VPS13C: variants seen among roughly 807,000 people sequenced by gnomAD.
VPS13C encodes intermembrane lipid transfer protein VPS13C.
VPS13C carries 358 observed loss-of-function variants against 456.8 expected under a neutral mutation model. The ratio of observed to expected loss-of-function variants is 0.78; its 90% CI spans 0.72 to 0.86. The LOEUF is 0.86. VPS13C is among the 40% of genes least tolerant of loss of function. The pLI is 0.00. For missense variants in VPS13C, 4,818 were observed against 4,385.4 expected (o/e 1.10, Z -2.79); for synonymous variants, 1,578 against 1,486.7 (o/e 1.06, Z -1.41).
chr15:61,934,973 G>A (rs1303038653), intron 48 of VPS13C, among the ~76,000 whole-genome samples: 2 of 152,094 alleles, frequency 1.3e-5, no homozygotes, highest in Admixed American at 6.5e-5. Context: ...GGCAGGTCTC[G>A]ATCTCCTGAC....
intron 2 of VPS13C, among the ~76,000 whole-genome samples, 182 bp from the exon 3 acceptor site, chr15:62,041,548 T>G (rs1168026834): frequency 6.6e-6 from 1 of 152,206 alleles, no homozygotes; most frequent in Non-Finnish European, 1.5e-5. Flanking sequence ...CCTGGTGCAG[T>G]GGCTCACACC....
chr15:61,864,693 C>A, intron 81 of VPS13C: 3 of 985,478 alleles, frequency 3.0e-6, no homozygotes, highest in Non-Finnish European at 3.6e-6. Flanking sequence ...GAGGAATCCA[C>A]AAAGAACTGG....
At chr15:61,913,857 C>A (rs775500375) in intron 61 of VPS13C, among the ~76,000 whole-genome samples, 5 of 152,140 alleles carry the variant, frequency 3.3e-5, no homozygotes, top group Non-Finnish European at 5.9e-5. Flanking sequence ...TGGAAGACAG[C>A]AGGACACAGT....
In VPS13C at chr15:61,915,985, G is replaced by C; in HGVS notation, c.8093C>G (p.Thr2698Ser). ...GATTCTCGAATGCAGAACATCAGCA[G>C]TACTGCCTTCTGCCAGCTCATGAGT... ...AETHELAEGS[T>S]ADVLHSRISG... Residue 2698 changes from threonine to serine, a missense_variant, in exon 61 of 85, where the codon ACT (threonine) becomes AGT (serine). Around this residue, in one of 3 missense-constraint regions of VPS13C, gnomAD observed 4,552 missense variants for 4,130.6 expected, o/e 1.10. Coordinates refer to ENST00000644861, the MANE Select transcript of VPS13C (RefSeq NM_020821.3). 1 of 1,603,638 alleles carries C rather than the reference G, an allele frequency of 6.2e-7. No individual in the cohort carries two copies. The highest frequency in any genetic ancestry group is 8.5e-7 in the Non-Finnish European group (1 of 1,171,990).
intron 10 of VPS13C, 143 bp downstream of exon 10, chr15:62,013,790 C>T (rs1567110354): frequency 3.6e-6 from 2 of 559,014 alleles, no homozygotes; most frequent in Non-Finnish European, 6.4e-6. Context: ...CAGAGGGTCA[C>T]ATAGTAAGTA....
intron 1 of VPS13C, among the ~76,000 whole-genome samples, chr15:62,053,220 C>A (rs1285293867): frequency 1.3e-5 from 2 of 152,130 alleles, no homozygotes; most frequent in Non-Finnish European, 2.9e-5. Flanking sequence ...CAAGTGCTGG[C>A]TGGGAGGAAA....
chr15:62,010,757 T>C (rs1480407308), intron 12 of VPS13C, among the ~76,000 whole-genome samples, 158 bp from the exon 13 acceptor site: 1 of 152,216 alleles, frequency 6.6e-6, no homozygotes, highest in African/African-American at 2.4e-5. Flanking sequence ...CAATTTAAGC[T>C]TCTACTTATA....
Position 61,962,776 on chromosome 15 carries a change from A to T in VPS13C, c.3408T>A (p.Asp1136Glu). 1 of 1,606,924 alleles carries T rather than the reference A, an allele frequency of 6.2e-7. No individual in the cohort carries two copies. The highest frequency in any genetic ancestry group is 1.3e-5 in the African/African-American group (1 of 74,914). ...TCTTATGAACTGTCTTTGGATCAAC[A>T]TCTGTGACAATAATATTTTCTAGTC... ...FARLENIIVT[D>E]VDPKTVHKKA... Residue 1136 changes from aspartate to glutamate, a missense_variant, in exon 33 of 85, where the codon GAT becomes GAA. By Grantham distance (45) the Asp-to-Glu change is conservative. This residue lies in a region of VPS13C where 4,552 missense variants were observed against 4,130.6 expected (regional missense o/e 1.10). Transcript: ENST00000644861.
chr15:61,876,646 T>C (rs906015109), intron 75 of VPS13C, among the ~76,000 whole-genome samples: 1 of 151,912 alleles, frequency 6.6e-6, no homozygotes, highest in African/African-American at 2.4e-5. Flanking sequence ...CGGCTTAGAA[T>C]TCTGCTTGCA....
intron 67 of VPS13C, among the ~76,000 whole-genome samples, chr15:61,887,185 A>G (rs1896332596): frequency 6.6e-6 from 1 of 152,258 alleles, no homozygotes; most frequent in Non-Finnish European, 1.5e-5. Flanking sequence ...ATAAGCAATT[A>G]TAACAAGATT....
intron 42 of VPS13C, among the ~76,000 whole-genome samples, chr15:61,948,855 A>G (rs62007764): frequency 0.058 from 8,847 of 152,288 alleles, 315 homozygotes; most frequent in Non-Finnish European, 0.081. Context: ...AATTAAAATG[A>G]TATTTGGCTT....
intron 35 of VPS13C, among the ~76,000 whole-genome samples, chr15:61,960,526 G>A (rs1410360891): frequency 2.0e-5 from 3 of 152,114 alleles, no homozygotes; most frequent in Non-Finnish European, 4.4e-5. Context: ...TTATATCATA[G>A]TTAATATAAG....
chr15:61,907,687 G>C (rs1426741838), intron 65 of VPS13C, among the ~76,000 whole-genome samples: 1 of 152,330 alleles, frequency 6.6e-6, no homozygotes, highest in Non-Finnish European at 1.5e-5. Flanking sequence ...TCCACCTGTG[G>C]AAATGGCTGT....
chr15:62,022,128 C>G (rs577887087), intron 8 of VPS13C, among the ~76,000 whole-genome samples: 2 of 152,002 alleles, frequency 1.3e-5, no homozygotes, highest in African/African-American at 4.8e-5. Context: ...ATACTGACTT[C>G]AATTCCTTTG....
chr15:62,033,714 T>C (rs1297841131), intron 4 of VPS13C, among the ~76,000 whole-genome samples, 172 bp from the exon 5 acceptor site: 1 of 151,646 alleles, frequency 6.6e-6, no homozygotes, highest in East Asian at 1.9e-4. Context: ...CCTATTCACT[T>C]ACAAAAAACT....
chr15:62,037,471 AATTT>A (rs1267581731), intron 3 of VPS13C, among the ~76,000 whole-genome samples: 1 of 111,320 alleles, frequency 9.0e-6, no homozygotes, highest in Non-Finnish European at 1.7e-5. Flanking sequence ...TAATATAATA[AATTT>A]ATTATATTGT....
Position 61,882,592 on chromosome 15 carries a change from T to C in VPS13C, c.9624+4A>G. ...AAATACTTATTTGAGAATGACAATGTTACCTGAAGCCAGTACAACCTGGCC... is the reference window on the plus strand; with the variant it reads ...AAATACTTATTTGAGAATGACAATGCTACCTGAAGCCAGTACAACCTGGCC... On this transcript the variant is annotated splice_donor_region_variant and intron_variant, in intron 69 of 84. Coordinates refer to ENST00000644861, the MANE Select transcript of VPS13C (RefSeq NM_020821.3). 1 of 1,514,390 alleles carries C rather than the reference T, an allele frequency of 6.6e-7. No individual in the cohort carries two copies. Among genetic ancestry groups the C allele is most frequent in the Non-Finnish European group, 8.8e-7 (1 of 1,135,518 alleles). The allele number at this position is 1,514,390 out of a possible 1,614,324, so 93.8% of individuals were successfully genotyped here. A position where few individuals can be genotyped will look rare whatever the true frequency, so the allele number is the denominator to read the frequency against.
At chr15:62,026,321 T>C (rs1050565599) in intron 6 of VPS13C, among the ~76,000 whole-genome samples, 4 of 152,020 alleles carry the variant, frequency 2.6e-5, no homozygotes, top group South Asian at 2.1e-4. Flanking sequence ...ATTGGAAATA[T>C]TGCTTTACTG....
intron 27 of VPS13C, among the ~76,000 whole-genome samples, chr15:61,972,115 A>G (rs1211931599): frequency 2.0e-5 from 3 of 152,182 alleles, no homozygotes; most frequent in Non-Finnish European, 4.4e-5. Flanking sequence ...TGGAATCATA[A>G]TATCTTTGGT....
Sources: gnomAD v4.1 joint callset for allele counts (sites outside exome capture counted in the v4.1 genomes callset) on GRCh38, gnomAD v4.1.1 for gene constraint, gnomAD v4.1.1 regional missense constraint, MANE v1.5 for transcripts, NCBI Gene and HGNC (gene_info 2026-07-23, HGNC 2026-07-21) for gene names.